Variants in SFRP1 observed in about 807,000 individuals in gnomAD.
SFRP1 encodes secreted frizzled related protein 1.
Under a neutral mutation model 25.9 loss-of-function variants are expected in SFRP1, and 9 were observed. The observed-to-expected ratio is 0.35, with a 90% CI of 0.21 to 0.61. The LOEUF is 0.61. SFRP1 is among the 20% of genes least tolerant of loss of function. SFRP1 has a pLI of 0.78. For synonymous variants in SFRP1, 178 were observed against 174.0 expected, an observed-to-expected ratio of 1.02 and a Z score of -0.18; for missense variants, 346 against 418.2, an observed-to-expected ratio of 0.83 and a Z score of 1.51.
At chr8:41,293,255 T>C (rs1348428263) in intron 2 of SFRP1, among the ~76,000 whole-genome samples, 2 of 152,200 alleles carry the variant, frequency 1.3e-5, no homozygotes, top group Non-Finnish European at 2.9e-5. Flanking sequence ...GGTACAGCCT[T>C]GCTGGGACCT....
chr8:41,281,356 G>T (rs7839442), intron 2 of SFRP1, among the ~76,000 whole-genome samples: 77,003 of 152,104 alleles, frequency 0.51, 20,677 homozygotes, highest in African/African-American at 0.7. Context: ...GAGTGGGAGT[G>T]CAGTGCCCCT....
intron 2 of SFRP1, among the ~76,000 whole-genome samples, chr8:41,280,315 T>C (rs1363120243): frequency 1.3e-5 from 2 of 152,266 alleles, no homozygotes; most frequent in African/African-American, 4.8e-5. Context: ...AAAAGTGTCT[T>C]GACCTGAGAC....
intron 2 of SFRP1, among the ~76,000 whole-genome samples, chr8:41,289,882 C>A (rs1357108367): frequency 1.3e-5 from 2 of 152,246 alleles, no homozygotes; most frequent in Non-Finnish European, 2.9e-5. Flanking sequence ...GGATTAGCAG[C>A]ATGCTCTAGA....
chr8:41,270,668 A>G (rs1803492558), intron 2 of SFRP1, among the ~76,000 whole-genome samples: 1 of 152,082 alleles, frequency 6.6e-6, no homozygotes, highest in African/African-American at 2.4e-5. Context: ...CTCCAGCAGT[A>G]GCCATGGGCT....
intron 2 of SFRP1, among the ~76,000 whole-genome samples, chr8:41,299,662 C>CAAAAAAA (rs61141419): frequency 9.3e-4 from 62 of 66,364 alleles, no homozygotes; most frequent in African/African-American, 3.9e-3. Flanking sequence ...GACTTAGTCT[C>CAAAAAAA]AAAAAAAAAA....
intron 1 of SFRP1, 51 bp downstream of exon 1, chr8:41,308,565 G>C (rs547643961): frequency 1.2e-5 from 18 of 1,441,440 alleles, no homozygotes; most frequent in East Asian, 7.3e-5. Flanking sequence ...CTGCAGCTCC[G>C]GCCGGGGGAT....
At chr8:41,283,133 G>T (rs1021535383) in intron 2 of SFRP1, among the ~76,000 whole-genome samples, 1 of 152,148 alleles carries the variant, frequency 6.6e-6, no homozygotes, top group African/African-American at 2.4e-5. Flanking sequence ...TCTAGATGTA[G>T]ATTTCAATAT....
chr8:41,269,515 C>T (rs1803476881), intron 2 of SFRP1, among the ~76,000 whole-genome samples: 1 of 152,180 alleles, frequency 6.6e-6, no homozygotes, highest in Non-Finnish European at 1.5e-5. Flanking sequence ...AATTATACTT[C>T]CTTGGTAGCC....
chr8:41,308,733 C>T lies in SFRP1; in HGVS notation c.427G>A (p.Val143Ile). The change falls in exon 1 of 3, where the codon GTC (valine) becomes ATC (isoleucine). Residue 143 changes from valine (V) to isoleucine (I), a missense_variant. By Grantham distance (29) the Val-to-Ile change is conservative. Transcript: ENST00000220772. ...CEAVRDSCEPVMQFFGFYWPE... is the reference protein window; with the variant it reads ...CEAVRDSCEPIMQFFGFYWPE... ...CAGTAGAAGCCGAAGAACTGCATGACCGGCTCGCACGAGTCGCGCACGGCC... is the reference window on the plus strand; with the variant it reads ...CAGTAGAAGCCGAAGAACTGCATGATCGGCTCGCACGAGTCGCGCACGGCC... The T allele has an allele frequency of 5.6e-6, 9 of 1,608,738 alleles. No individual in the cohort carries two copies. The highest frequency in any genetic ancestry group is 7.6e-6 in the Non-Finnish European group (9 of 1,177,840).
intron 2 of SFRP1, among the ~76,000 whole-genome samples, chr8:41,297,058 T>C (rs143722145): frequency 2.6e-5 from 4 of 152,296 alleles, no homozygotes; most frequent in Non-Finnish European, 5.9e-5. Context: ...TTTTGTTTTG[T>C]TTTTGAGACA....
intron 2 of SFRP1, among the ~76,000 whole-genome samples, chr8:41,283,274 C>A (rs1803657735): frequency 6.6e-6 from 1 of 152,084 alleles, no homozygotes; most frequent in Admixed American, 6.5e-5. Flanking sequence ...CCTCCGAGTC[C>A]CTTTCAGAGT....
Position 41,276,922 on chromosome 8 carries a change from C to A in SFRP1, c.623-11433G>T, listed in dbSNP as rs1032003277. 5.0e-5 allele frequency: 23 copies of A among 456,298 alleles called. No homozygotes were observed. The Admixed American group carries it at 5.2e-4, about 10-fold the overall frequency. The allele number at this position is 456,298 out of a possible 1,614,324, so 28.3% of individuals were successfully genotyped here. On this transcript the variant is annotated intron_variant, in intron 2 of 2. Transcript: ENST00000220772. ...ACGCACACACGCAAGCTCATGTACA[C>A]ATGCACACACACTCGCCAGCATCAT... is the stretch of plus-strand genomic sequence containing the variant.
intron 2 of SFRP1, among the ~76,000 whole-genome samples, 183 bp downstream of exon 2, chr8:41,303,278 A>C (rs988948070): frequency 6.6e-6 from 1 of 151,888 alleles, no homozygotes; most frequent in African/African-American, 2.4e-5. Context: ...GCCTTCATCA[A>C]AACTGGCCGG....
At chr8:41,283,423 C>A (rs767176157) in intron 2 of SFRP1, among the ~76,000 whole-genome samples, 15 of 152,014 alleles carry the variant, frequency 9.9e-5, no homozygotes, top group Middle Eastern at 3.2e-3. Context: ...ACGTGCAGGC[C>A]CCCGATTGCT....
intron 2 of SFRP1, among the ~76,000 whole-genome samples, chr8:41,281,155 T>C (rs1440225049): frequency 6.6e-6 from 1 of 152,168 alleles, no homozygotes; most frequent in Non-Finnish European, 1.5e-5. Flanking sequence ...TCCTACCTCG[T>C]TCATGGCCTT....
chr8:41,271,479 A>G, intron 2 of SFRP1: 1 of 187,972 alleles, frequency 5.3e-6, no homozygotes, highest in Non-Finnish European at 1.2e-5. Context: ...AAATTCGGCC[A>G]GGGTTCTCAT....
intron 1 of SFRP1, 84 bp downstream of exon 1, chr8:41,308,532 G>T: frequency 8.7e-7 from 1 of 1,143,706 alleles, no homozygotes. Context: ...GCGGCGGGCG[G>T]GCGTAGGGTG....
chr8:41,305,569 T>TG (rs1160041342), intron 1 of SFRP1, among the ~76,000 whole-genome samples: 2 of 152,220 alleles, frequency 1.3e-5, no homozygotes, highest in Admixed American at 6.5e-5. Flanking sequence ...TGGTGCGTCT[T>TG]GGGGCTCTAC....
intron 2 of SFRP1, among the ~76,000 whole-genome samples, chr8:41,278,610 C>T (rs1415797472): frequency 1.3e-5 from 2 of 152,190 alleles, no homozygotes; most frequent in African/African-American, 4.8e-5. Context: ...GCAATGCTGC[C>T]CAAGCCGCTC....
Sources: allele counts gnomAD v4.1 joint callset (sites outside exome capture counted in the v4.1 genomes callset), GRCh38; gene constraint gnomAD v4.1.1; transcripts MANE v1.5; gene names NCBI Gene and HGNC (gene_info 2026-07-23, HGNC 2026-07-21).